MEGF9: variants seen among roughly 807,000 people sequenced by gnomAD.
MEGF9 encodes multiple epidermal growth factor-like domains protein 9.
Under a neutral mutation model 46.8 loss-of-function variants are expected in MEGF9, and 6 were observed. That is an observed-to-expected ratio of 0.13 (90% confidence interval 0.07 to 0.25). The LOEUF is 0.25. MEGF9 is among the 10% of genes least tolerant of loss of function. The probability of loss-of-function intolerance (pLI) is 1.00; values close to 1 mark genes in which losing one functional copy is unlikely to be tolerated. For synonymous variants in MEGF9, 302 were observed against 330.7 expected, an observed-to-expected ratio of 0.91 and a Z score of 0.94; for missense variants, 683 against 792.4, an observed-to-expected ratio of 0.86 and a Z score of 1.66.
intron 1 of MEGF9, among the ~76,000 whole-genome samples, chr9:120,683,354 T>C (rs1206372846): frequency 6.6e-6 from 1 of 152,202 alleles, no homozygotes; most frequent in South Asian, 2.1e-4. Flanking sequence ...CACCCAAATC[T>C]CATCTCAAAT....
Position 120,623,648 on chromosome 9 carries a change from A to G in MEGF9, c.804-893T>C, listed in dbSNP as rs1213302896. ...AGTAATTTAGTAAAGAAAAAAGAAAAGAAGCCACACACATATACGGTCTTA... is the reference window on the plus strand; with the variant it reads ...AGTAATTTAGTAAAGAAAAAAGAAAGGAAGCCACACACATATACGGTCTTA... On this transcript the variant is annotated intron_variant, in intron 2 of 5. Transcript: ENST00000373930. Among the ~76,000 whole-genome samples, 4 of 152,348 alleles carry G rather than the reference A, an allele frequency of 2.6e-5. No homozygotes were observed. The South Asian group carries it at 6.2e-4, about 24-fold the overall frequency.
intron 2 of MEGF9, among the ~76,000 whole-genome samples, chr9:120,648,799 T>C (rs912505739): frequency 6.6e-6 from 1 of 152,240 alleles, no homozygotes; most frequent in Admixed American, 6.5e-5. Flanking sequence ...ACACAAGAGA[T>C]GACCTTCAGA....
chr9:120,683,992 C>T (rs1390404345), intron 1 of MEGF9, among the ~76,000 whole-genome samples: 2 of 151,874 alleles, frequency 1.3e-5, no homozygotes, highest in Non-Finnish European at 2.9e-5. Context: ...GTACAAGGAA[C>T]CTATAAGATA....
At position 120,605,390 on chromosome 9, in the gene MEGF9, T is replaced by C. The variant is rs771407528; in HGVS notation, c.1609A>G (p.Met537Val). The C allele has an allele frequency of 2.0e-5, 33 of 1,614,018 alleles. No homozygotes were observed. The highest frequency in any genetic ancestry group is 2.8e-5 in the Non-Finnish European group (33 of 1,179,888). ...TTCCGGTTTTGGTACTCGCGGTACA[T>C]ATATACAGCCCCCACAAATCCCATT... ...LLMGFVGAVY[M>V]YREYQNRKLN... Residue 537 changes from methionine (M) to valine (V), a missense_variant, in exon 6 of 6, where the codon ATG becomes GTG. Around this residue, in one of 2 missense-constraint regions of MEGF9, gnomAD observed 313 missense variants for 421.1 expected, o/e 0.74. Transcript: ENST00000373930. This position sits in a 1 kb window ranked among gnomAD's most constrained non-coding sequence, Gnocchi z 4.0.
chr9:120,631,428 C>T (rs1441971915), intron 2 of MEGF9, among the ~76,000 whole-genome samples: 1 of 150,008 alleles, frequency 6.7e-6, no homozygotes, highest in African/African-American at 2.4e-5. Flanking sequence ...CAGCTTTGTT[C>T]TTTTTGCTCA....
intron 1 of MEGF9, among the ~76,000 whole-genome samples, chr9:120,704,997 A>G (rs1048234079): frequency 6.6e-6 from 1 of 152,168 alleles, no homozygotes; most frequent in African/African-American, 2.4e-5. Flanking sequence ...TTTTTTTTAG[A>G]GCCAGATAAC....
chr9:120,672,052 C>A (rs1382935983), intron 1 of MEGF9, among the ~76,000 whole-genome samples: 1 of 152,160 alleles, frequency 6.6e-6, no homozygotes, highest in Non-Finnish European at 1.5e-5. Flanking sequence ...AATTAACATC[C>A]ATTCATGGGA....
In MEGF9 at chr9:120,605,065, A is replaced by C. The variant is rs2043414355; in HGVS notation, c.*125T>G. On this transcript the variant is annotated 3_prime_UTR_variant, in exon 6 of 6. Transcript: ENST00000373930. This position sits in a 1 kb window ranked among gnomAD's most constrained non-coding sequence, Gnocchi z 4.0. ...TAAGCGCATTACAAATTTGTACCTG[A>C]AAATTTCAGATGCACTATTTGCCTT... The C allele has an allele frequency of 6.4e-6, 6 of 935,956 alleles. No individual in the cohort carries two copies. In the South Asian group the frequency reaches 1.0e-4, roughly 16 times the overall value. 58.0% of individuals were successfully genotyped at this position (935,956 alleles called of 1,614,324 possible).
intron 2 of MEGF9, among the ~76,000 whole-genome samples, chr9:120,656,744 G>A (rs375416588): frequency 3.8e-4 from 58 of 151,922 alleles, no homozygotes; most frequent in African/African-American, 1.2e-3. Context: ...GAGAGGGACA[G>A]GACATGGATT....
chr9:120,609,615 C>T (rs1023546263), intron 4 of MEGF9, among the ~76,000 whole-genome samples: 2 of 152,108 alleles, frequency 1.3e-5, no homozygotes, highest in African/African-American at 4.8e-5. Context: ...ACAACTCATA[C>T]CTATCTGTTT....
intron 1 of MEGF9, chr9:120,691,416 C>T: frequency 2.0e-6 from 1 of 488,504 alleles, no homozygotes; most frequent in Non-Finnish European, 4.2e-6. Context: ...TTACGTTACT[C>T]TCACAGGCAT....
chr9:120,710,552 A>C (rs1182625655), intron 1 of MEGF9, among the ~76,000 whole-genome samples: 1 of 152,108 alleles, frequency 6.6e-6, no homozygotes. Context: ...TGTCCTTGTA[A>C]ACAAAAAAGG....
chr9:120,617,621 G>T (rs1024298862), intron 3 of MEGF9, among the ~76,000 whole-genome samples: 2 of 152,336 alleles, frequency 1.3e-5, no homozygotes, highest in Non-Finnish European at 2.9e-5. Context: ...GCTTAAGCAT[G>T]AAAATGACAT....
rs540961262 is a variant in MEGF9, at chr9:120,640,286, G to A, written c.804-17531C>T. Among the ~76,000 whole-genome samples, 14 of 152,170 alleles carry A rather than the reference G, an allele frequency of 9.2e-5. No homozygotes were observed. The South Asian group carries it at 2.9e-3, about 32-fold the overall frequency. ...ACTCTACTTGCTGTTCTCTCTATTG[G>A]CAATACTTTTCCACAGGGGATCCGC... On this transcript the variant is annotated intron_variant, in intron 2 of 5. Transcript: ENST00000373930.
chr9:120,636,882 C>T (rs1357474785), intron 2 of MEGF9, among the ~76,000 whole-genome samples: 2 of 151,934 alleles, frequency 1.3e-5, no homozygotes, highest in Admixed American at 6.6e-5. Flanking sequence ...CCGGCCGCCA[C>T]GTCTGGGAAG....
intron 1 of MEGF9, among the ~76,000 whole-genome samples, chr9:120,708,100 G>A (rs1167269516): frequency 6.6e-6 from 1 of 152,090 alleles, no homozygotes; most frequent in Non-Finnish European, 1.5e-5. Flanking sequence ...GCTCATGCCT[G>A]TAATCCTAGC....
At chr9:120,704,916 C>T (rs1276865883) in intron 1 of MEGF9, among the ~76,000 whole-genome samples, 1 of 152,116 alleles carries the variant, frequency 6.6e-6, no homozygotes, top group East Asian at 1.9e-4. Flanking sequence ...TCAAAACCAC[C>T]TACCAACAAA....
intron 1 of MEGF9, among the ~76,000 whole-genome samples, chr9:120,683,206 C>T (rs1037672163): frequency 6.6e-6 from 1 of 152,106 alleles, no homozygotes; most frequent in Non-Finnish European, 1.5e-5. Context: ...TTCCTGGGTC[C>T]CATCCTAGGC....
Position 120,688,491 on chromosome 9 carries a change from T to C in MEGF9, c.601+25267A>G, listed in dbSNP as rs2043834391. 2.0e-5 allele frequency among the ~76,000 whole-genome samples: 3 copies of C among 152,342 alleles called. No homozygotes were observed. The South Asian group carries it at 6.2e-4, about 32-fold the overall frequency. ...TTGCCTCATATATACCTGCTAAACA[T>C]TATTTCAGATGCTAGGGATGTGGCA... On this transcript the variant is annotated intron_variant, in intron 1 of 5. Coordinates refer to ENST00000373930, the MANE Select transcript of MEGF9 (RefSeq NM_001080497.3).
Sources: allele counts gnomAD v4.1 joint callset (sites outside exome capture counted in the v4.1 genomes callset), GRCh38; gene constraint gnomAD v4.1.1; regional missense constraint gnomAD v4.1.1; non-coding constraint Gnocchi (gnomAD v3.1); transcripts MANE v1.5; gene names NCBI Gene and HGNC (gene_info 2026-07-23, HGNC 2026-07-21).